Variants in KLHL36 observed in about 807,000 individuals in gnomAD.
KLHL36 encodes the protein kelch like family member 36.
Under a neutral mutation model 53.3 loss-of-function variants are expected in KLHL36, and 35 were observed. That is an observed-to-expected ratio of 0.66 (90% confidence interval 0.50 to 0.87). KLHL36 has a LOEUF of 0.87. KLHL36 is among the 40% of genes least tolerant of loss of function. KLHL36 has a pLI of 0.00. For missense variants in KLHL36, 864 were observed against 897.6 expected (o/e 0.96, Z 0.48); for synonymous variants, 472 against 398.9 (o/e 1.18, Z -2.18).
At position 84,657,810 on chromosome 16, in the gene KLHL36, C is replaced by T. The variant is rs1388666167; in HGVS notation, c.1003C>T (p.Arg335Trp). Residue 335 changes from arginine to tryptophan, a missense_variant, in exon 3 of 5, where the codon CGG (arginine) becomes TGG (tryptophan). Transcript: ENST00000564996. ...WVKETPLPAR[R>W]SHHCVAVLGG... ...CAAAGAGACGCCGCTGCCCGCCCGGCGGAGCCACCACTGTGTCGCGGTGCT... is the reference window on the plus strand; with the variant it reads ...CAAAGAGACGCCGCTGCCCGCCCGGTGGAGCCACCACTGTGTCGCGGTGCT... 3.7e-6 allele frequency: 6 copies of T among 1,605,642 alleles called. No individual in the cohort carries two copies. The highest frequency in any genetic ancestry group is 1.7e-5 in the Admixed American group (1 of 59,638).
intron 3 of KLHL36, 181 bp from the exon 4 acceptor site, chr16:84,659,579 G>A (rs1253214456): frequency 2.5e-5 from 15 of 610,032 alleles, no homozygotes; most frequent in Non-Finnish European, 3.1e-5. Flanking sequence ...GAGCATCTTG[G>A]TGAAACCTCG....
intron 3 of KLHL36, chr16:84,658,919 C>G (rs367852270): frequency 6.6e-6 from 1 of 152,166 alleles, no homozygotes; most frequent in East Asian, 1.9e-4. Flanking sequence ...TTTGGAGCCT[C>G]CTCCCGAAGC....
Position 84,654,929 on chromosome 16 carries a change from C to T in KLHL36, c.64-1942C>T, listed in dbSNP as rs1047256416. Among the ~76,000 whole-genome samples the T allele has an allele frequency of 1.8e-4, 27 of 152,264 alleles. 2 individuals are homozygous for T. Among genetic ancestry groups the T allele is most frequent in the Admixed American group, 8.5e-4 (13 of 15,292 alleles). Reference sequence around the variant, plus strand: ...CCGGCTGAGCCTAGGAGTTTCAGGCCGCAGTGATCTCTGATCTACTGTTGC... The same window carrying T: ...CCGGCTGAGCCTAGGAGTTTCAGGCTGCAGTGATCTCTGATCTACTGTTGC... On this transcript the variant is annotated intron_variant, in intron 2 of 4. Coordinates refer to ENST00000564996, the MANE Select transcript of KLHL36 (RefSeq NM_024731.4).
intron 2 of KLHL36, among the ~76,000 whole-genome samples, chr16:84,651,822 G>T (rs936989660): frequency 6.6e-6 from 1 of 152,168 alleles, no homozygotes; most frequent in African/African-American, 2.4e-5. Context: ...TTAAGATTTT[G>T]CTGGGGAGGC....
Position 84,667,279 on chromosome 16 carries a change from AG to A in KLHL36, c.*5148del, listed in dbSNP as rs1907894697. On this transcript the variant is annotated 3_prime_UTR_variant, in exon 5 of 5. Coordinates refer to ENST00000564996, the MANE Select transcript of KLHL36 (RefSeq NM_024731.4). ...AGAGTCATGTCCTTTGGATTGATTG[AG>A]GTTAAATCATCAACCACTAGCCCCC... 1 of 152,168 alleles carries A rather than the reference AG, an allele frequency of 6.6e-6. No individual in the cohort carries two copies. The highest frequency in any genetic ancestry group is 2.4e-5 in the African/African-American group (1 of 41,424). 9.4% of individuals were successfully genotyped at this position (152,168 alleles called of 1,614,324 possible).
At position 84,661,674 on chromosome 16, in the gene KLHL36, A is replaced by G. The variant is rs17755815; in HGVS notation, c.1392A>G (p.Leu464=). Residue 464 remains leucine (L), a synonymous_variant, in exon 5 of 5, where the codon CTA becomes CTG. Coordinates refer to ENST00000564996, the MANE Select transcript of KLHL36 (RefSeq NM_024731.4). This position sits in a 1 kb window ranked among gnomAD's most constrained non-coding sequence, Gnocchi z 7.9. The stretch of plus-strand genomic sequence containing the variant: ...TTGGCCCCTACCGCAAGAACCTGCT[A>G]TGCTACGACCACCGGACAGACGTGT... ...YQIGPYRKNL[L]CYDHRTDVWE... 0.22 allele frequency: 351,928 copies of G among 1,613,158 alleles called. 42,005 individuals carry two copies. The highest frequency in any genetic ancestry group is 0.36 in the African/African-American group (26,994 of 74,890).
At position 84,657,443 on chromosome 16, in the gene KLHL36, G is replaced by T; in HGVS notation, c.636G>T (p.Gln212His). 6.2e-7 allele frequency: 1 copy of T among 1,606,224 alleles called. No individual in the cohort carries two copies. The highest frequency in any genetic ancestry group is 8.5e-7 in the Non-Finnish European group (1 of 1,179,968). Reference protein sequence around the residue: ...VQRECEHDLLQAALQWLTQQP... With the variant: ...VQRECEHDLLHAALQWLTQQP... ...GGGAGTGTGAGCACGACCTCCTGCA[G>T]GCCGCCCTGCAGTGGCTGACGCAGC... Residue 212 changes from glutamine to histidine, a missense_variant, in exon 3 of 5, where the codon CAG becomes CAT. Gln to His is a conservative substitution (Grantham distance 24, BLOSUM62 0). Coordinates refer to ENST00000564996, the MANE Select transcript of KLHL36 (RefSeq NM_024731.4).
chr16:84,657,606 A>T lies in KLHL36; in HGVS notation c.799A>T (p.Ile267Phe). The change falls in exon 3 of 5, where the codon ATC becomes TTC. Residue 267 changes from isoleucine (I) to phenylalanine (F), a missense_variant. Ile to Phe is a conservative substitution (Grantham distance 21). Transcript: ENST00000564996. ...CAAGGAGGCCAACTGCGAGGGCTTC[A>T]TCGAGGAGGCCGTGCGCTACCACAA... ...LPKEANCEGF[I>F]EEAVRYHNNL... 1 of 1,611,382 alleles carries T rather than the reference A, an allele frequency of 6.2e-7. No homozygotes were observed. The highest frequency in any genetic ancestry group is 8.5e-7 in the Non-Finnish European group (1 of 1,179,808).
In KLHL36 at chr16:84,666,880, C is replaced by T. The variant is rs1002252263; in HGVS notation, c.*4747C>T. ...GGTCAAGAGTTTGAGACCACCCTGACCAACATGGTGAAACCCCGTCTCTAC... is the reference window on the plus strand; with the variant it reads ...GGTCAAGAGTTTGAGACCACCCTGATCAACATGGTGAAACCCCGTCTCTAC... On this transcript the variant is annotated 3_prime_UTR_variant, in exon 5 of 5. Transcript: ENST00000564996. 1 of 151,954 alleles carries T rather than the reference C, an allele frequency of 6.6e-6. No homozygotes were observed. The highest frequency in any genetic ancestry group is 1.9e-4 in the East Asian group (1 of 5,162). 9.4% of individuals were successfully genotyped at this position (151,954 alleles called of 1,614,324 possible). A position where few individuals can be genotyped will look rare whatever the true frequency, so the allele number is the denominator to read the frequency against.
At chr16:84,660,200 C>G (rs1377638505) in intron 4 of KLHL36, among the ~76,000 whole-genome samples, 1 of 152,132 alleles carries the variant, frequency 6.6e-6, no homozygotes, top group African/African-American at 2.4e-5. Flanking sequence ...TGAGGCCTGA[C>G]CTGAGGATCT....
intron 2 of KLHL36, among the ~76,000 whole-genome samples, chr16:84,654,529 G>A (rs1248257306): frequency 6.6e-6 from 1 of 152,228 alleles, no homozygotes; most frequent in Non-Finnish European, 1.5e-5. Context: ...GCACACACCT[G>A]TAGTCCCAGC....
At position 84,665,088 on chromosome 16, in the gene KLHL36, A is replaced by G. The variant is rs917175259; in HGVS notation, c.*2955A>G. On this transcript the variant is annotated 3_prime_UTR_variant, in exon 5 of 5. Transcript: ENST00000564996. ...TTTGGGCTGTGCTTATGCAGTGGCC[A>G]TTTGAACCGCACAGTCACGAATGTG... is the stretch of plus-strand genomic sequence containing the variant. 6 of 152,226 alleles carry G rather than the reference A, an allele frequency of 3.9e-5. No individual in the cohort carries two copies. The highest frequency in any genetic ancestry group is 2.6e-4 in the Admixed American group (4 of 15,288). 9.4% of individuals were successfully genotyped at this position (152,226 alleles called of 1,614,324 possible).
chr16:84,658,269 G>C (rs1427577128), intron 3 of KLHL36: 2 of 247,926 alleles, frequency 8.1e-6, no homozygotes, highest in Non-Finnish European at 1.5e-5. Flanking sequence ...AATGTGGCCA[G>C]TGCGACTGAA....
In KLHL36 at chr16:84,661,941, C is replaced by G; in HGVS notation, c.1659C>G (p.Gly553=). ...AGGGCCGCATCTACATCCTGGGCGG[C>G]TACAGCTGGGAGAACACTGCCTTCT... is the stretch of plus-strand genomic sequence containing the variant. ...VWEGRIYILG[G]YSWENTAFSK... The change falls in exon 5 of 5, where the codon GGC becomes GGG. Residue 553 remains glycine, a synonymous_variant. Transcript: ENST00000564996. This position sits in a 1 kb window ranked among gnomAD's most constrained non-coding sequence, Gnocchi z 7.9. 2 of 1,600,906 alleles carry G rather than the reference C, an allele frequency of 1.2e-6. No homozygotes were observed. Among genetic ancestry groups the G allele is most frequent in the South Asian group, 1.1e-5 (1 of 89,480 alleles).
At position 84,662,082 on chromosome 16, in the gene KLHL36, G is replaced by A; in HGVS notation, c.1800G>A (p.Glu600=). 6.4e-7 allele frequency: 1 copy of A among 1,574,072 alleles called. No individual in the cohort carries two copies. The highest frequency in any genetic ancestry group is 8.6e-7 in the Non-Finnish European group (1 of 1,158,458). ...ACVCALEPRP[E]DKKKKGKGKR... ...TCTGCGCCCTGGAGCCACGGCCAGA[G>A]GACAAGAAGAAGAAAGGCAAAGGCA... The change falls in exon 5 of 5, where the codon GAG becomes GAA. Residue 600 remains glutamate, a synonymous_variant. Coordinates refer to ENST00000564996, the MANE Select transcript of KLHL36 (RefSeq NM_024731.4).
Position 84,661,550 on chromosome 16 carries a change from CCTCT to C in KLHL36, c.1296-27_1296-24del. 6.4e-7 allele frequency: 1 copy of C among 1,551,244 alleles called. No individual in the cohort carries two copies. Among genetic ancestry groups the C allele is most frequent in the Non-Finnish European group, 8.7e-7 (1 of 1,144,936 alleles). The stretch of plus-strand genomic sequence containing the variant: ...AAGCCTGGCACAGCCCTGAGCTCTC[CCTCT>C]GTCTCTGCCCGTCGACCCTGCAGGT... On this transcript the variant is annotated intron_variant, in intron 4 of 4. Coordinates refer to ENST00000564996, the MANE Select transcript of KLHL36 (RefSeq NM_024731.4). The surrounding 1 kb of genome is among the most constrained non-coding windows in gnomAD (Gnocchi z 7.9).
chr16:84,659,941 T>C (rs1363284220), intron 4 of KLHL36, 24 bp downstream of exon 4: 2 of 1,594,428 alleles, frequency 1.3e-6, no homozygotes, highest in Non-Finnish European at 1.7e-6. Flanking sequence ...TGGTGGAAGG[T>C]TCTCCAAATG....
intron 2 of KLHL36, among the ~76,000 whole-genome samples, chr16:84,655,280 G>C (rs1457838881): frequency 1.3e-5 from 2 of 152,146 alleles, no homozygotes; most frequent in African/African-American, 4.8e-5. Context: ...GTGTCTCAAT[G>C]ACAAACGCAT....
At position 84,648,955 on chromosome 16, in the gene KLHL36, G is replaced by T. The variant is rs1273084743; in HGVS notation, c.-17+306G>T. ...GCCGCCGGCTGGAGCCTGCTGGGCG[G>T]CCGTTGCGCTGAGTTCCGCCTGGGC... is the stretch of plus-strand genomic sequence containing the variant. On this transcript the variant is annotated intron_variant, in intron 1 of 4. Coordinates refer to ENST00000564996, the MANE Select transcript of KLHL36 (RefSeq NM_024731.4). The surrounding 1 kb of genome is among the most constrained non-coding windows in gnomAD (Gnocchi z 4.9). The T allele has an allele frequency of 1.3e-5, 2 of 152,250 alleles. No individual in the cohort carries two copies. Among genetic ancestry groups the T allele is most frequent in the African/African-American group, 4.8e-5 (2 of 41,464 alleles). The allele number at this position is 152,250 out of a possible 1,614,324, so 9.4% of individuals were successfully genotyped here. A position where few individuals can be genotyped will look rare whatever the true frequency, so the allele number is the denominator to read the frequency against.
Sources: allele counts gnomAD v4.1 joint callset (sites outside exome capture counted in the v4.1 genomes callset), GRCh38; gene constraint gnomAD v4.1.1; non-coding constraint Gnocchi (gnomAD v3.1); transcripts MANE v1.5; gene names NCBI Gene and HGNC (gene_info 2026-07-23, HGNC 2026-07-21).